Variants in ZNF536 observed in about 807,000 individuals in gnomAD.
ZNF536 encodes zinc finger protein 536.
A neutral mutation model predicts 84.5 loss-of-function variants in ZNF536; 13 were observed. The ratio of observed to expected loss-of-function variants is 0.15; its 90% CI spans 0.10 to 0.24. ZNF536 has a LOEUF of 0.24. Ranked by LOEUF, ZNF536 falls within the 10% of genes least tolerant of loss-of-function variation. The pLI, the probability that ZNF536 is intolerant of heterozygous loss-of-function variation, is 1.00. For missense variants in ZNF536, 1,536 were observed against 1,747.5 expected (o/e 0.88, Z 2.16); for synonymous variants, 811 against 742.5 (o/e 1.09, Z -1.50).
chr19:30,711,886 T>G (rs1268264024), exon 2 of ZNF536: 6 of 152,182 alleles, frequency 3.9e-5, no homozygotes, highest in Non-Finnish European at 7.3e-5. Flanking sequence ...AATTAAAATT[T>G]AGGTAATAAT....
chr19:30,261,665 C>T (rs1181121624), intron 1 of ZNF536, among the ~76,000 whole-genome samples: 1 of 142,986 alleles, frequency 7.0e-6, no homozygotes, highest in African/African-American at 2.6e-5. Context: ...CACCACTGCA[C>T]TCCAGCCTGG....
chr19:30,280,621 G>A (rs1160274216), intron 1 of ZNF536, among the ~76,000 whole-genome samples: 1 of 152,224 alleles, frequency 6.6e-6, no homozygotes, highest in Non-Finnish European at 1.5e-5. Flanking sequence ...CAGGAAACTC[G>A]CTGGCCTGGA....
chr19:30,706,521 G>C (rs1343995698), intron 1 of ZNF536, among the ~76,000 whole-genome samples: 1 of 151,778 alleles, frequency 6.6e-6, no homozygotes, highest in Non-Finnish European at 1.5e-5. Flanking sequence ...ACAATAGACA[G>C]TTTTGCTGAT....
chr19:30,280,814 G>A (rs1261542593), intron 1 of ZNF536, among the ~76,000 whole-genome samples: 1 of 152,220 alleles, frequency 6.6e-6, no homozygotes, highest in Non-Finnish European at 1.5e-5. Flanking sequence ...TCCTGTGTAG[G>A]CAGCTCTGGG....
At chr19:30,440,351 T>C (rs575060764) in intron 1 of ZNF536, among the ~76,000 whole-genome samples, 1 of 152,216 alleles carries the variant, frequency 6.6e-6, no homozygotes, top group Non-Finnish European at 1.5e-5. Flanking sequence ...GGATCGTAGG[T>C]GCTCATGGAC....
intron 1 of ZNF536, among the ~76,000 whole-genome samples, chr19:30,659,654 G>A (rs1472393178): frequency 2.0e-5 from 3 of 152,164 alleles, no homozygotes; most frequent in Admixed American, 6.5e-5. Context: ...AATGCCAGAA[G>A]CTTATAAAAC....
At chr19:30,523,666 G>C (rs2044458129) in intron 2 of ZNF536, among the ~76,000 whole-genome samples, 1 of 152,082 alleles carries the variant, frequency 6.6e-6, no homozygotes, top group Non-Finnish European at 1.5e-5. Flanking sequence ...AGAGATTTGT[G>C]GAACTCTTTT....
chr19:30,678,740 C>T (rs532424587), intron 1 of ZNF536, among the ~76,000 whole-genome samples: 1 of 150,326 alleles, frequency 6.7e-6, no homozygotes, highest in Non-Finnish European at 1.5e-5. Flanking sequence ...CAAGCCCCCC[C>T]ACACACACCT....
chr19:30,599,170 C>A (rs558474147), intron 1 of ZNF536, among the ~76,000 whole-genome samples: 5 of 115,890 alleles, frequency 4.3e-5, no homozygotes, highest in African/African-American at 1.7e-4. Flanking sequence ...TTCCCTCTTT[C>A]CCTCCTCTCT....
chr19:30,463,511 C>T (rs1257210365), intron 2 of ZNF536, among the ~76,000 whole-genome samples: 3 of 152,266 alleles, frequency 2.0e-5, no homozygotes, highest in East Asian at 3.9e-4. Flanking sequence ...GCCTTGTGCC[C>T]GGAGGAGGTC....
chr19:30,464,962 G>T (rs2053319979), intron 2 of ZNF536, among the ~76,000 whole-genome samples: 2 of 152,096 alleles, frequency 1.3e-5, no homozygotes, highest in Admixed American at 6.6e-5. Context: ...TGGAGAACAG[G>T]GACTGCCTGA....
At chr19:30,696,984 T>C (rs1454625302) in intron 1 of ZNF536, among the ~76,000 whole-genome samples, 12 of 152,162 alleles carry the variant, frequency 7.9e-5, no homozygotes, top group Admixed American at 7.9e-4. Flanking sequence ...ATTCTCACAC[T>C]GCTACAAAGA....
chr19:30,472,314 G>A (rs776075160), intron 2 of ZNF536, among the ~76,000 whole-genome samples: 8 of 152,208 alleles, frequency 5.3e-5, no homozygotes, highest in Non-Finnish European at 7.3e-5. Flanking sequence ...GAGTACCTGC[G>A]GAAGAGAGTG....
chr19:30,256,724 G>A (rs1231529249), intron 1 of ZNF536, among the ~76,000 whole-genome samples: 2 of 152,188 alleles, frequency 1.3e-5, no homozygotes, highest in African/African-American at 4.8e-5. Context: ...TTGTAATGCA[G>A]TTTGAGGTTC....
At chr19:30,580,617 G>A (rs2046888124) in intron 1 of ZNF536, among the ~76,000 whole-genome samples, 1 of 152,204 alleles carries the variant, frequency 6.6e-6, no homozygotes, top group Non-Finnish European at 1.5e-5. Context: ...CTGAGGAGCT[G>A]CTGTGTCTCA....
At chr19:30,451,718 C>T (rs2148319032) in intron 2 of ZNF536, among the ~76,000 whole-genome samples, 1 of 152,296 alleles carries the variant, frequency 6.6e-6, no homozygotes, top group Non-Finnish European at 1.5e-5. Flanking sequence ...GTTTCTCTGG[C>T]GGCCTCACTT....
chr19:30,318,873 A>G (rs2046767011), intron 2 of ZNF536, among the ~76,000 whole-genome samples: 3 of 152,184 alleles, frequency 2.0e-5, no homozygotes, highest in Non-Finnish European at 2.9e-5. Flanking sequence ...GATAGACTGG[A>G]TTTGGAGAGT....
At chr19:30,583,653 C>T (rs2046999234) in intron 1 of ZNF536, among the ~76,000 whole-genome samples, 1 of 152,160 alleles carries the variant, frequency 6.6e-6, no homozygotes, top group African/African-American at 2.4e-5. Flanking sequence ...GCAGTGCTTT[C>T]TGTACATGGA....
At chr19:30,250,234 A>G (rs745551979) in intron 1 of ZNF536, among the ~76,000 whole-genome samples, 1 of 152,232 alleles carries the variant, frequency 6.6e-6, no homozygotes, top group Non-Finnish European at 1.5e-5. Flanking sequence ...GTGAAAAAGA[A>G]AGATGAAAAT....
Sources: gnomAD v4.1 joint callset for allele counts (sites outside exome capture counted in the v4.1 genomes callset) on GRCh38, gnomAD v4.1.1 for gene constraint, MANE v1.5 for transcripts, NCBI Gene and HGNC (gene_info 2026-07-23, HGNC 2026-07-21) for gene names.